SLC9C2: variants seen among roughly 807,000 people sequenced by gnomAD.
The protein encoded by SLC9C2 is sodium/hydrogen exchanger 11.
A neutral mutation model predicts 140.2 loss-of-function variants in SLC9C2; 75 were observed. That is an observed-to-expected ratio of 0.53 (90% confidence interval 0.44 to 0.65). The LOEUF is 0.65. Among genes scored for constraint, SLC9C2 ranks in the 30% least tolerant of loss-of-function variants. The pLI is 0.00. For missense variants in SLC9C2, 1,074 were observed against 1,331.8 expected (o/e 0.81, Z 3.01); for synonymous variants, 375 against 420.9 (o/e 0.89, Z 1.34).
intron 8 of SLC9C2, among the ~76,000 whole-genome samples, chr1:173,574,430 G>A (rs1001869542): frequency 1.3e-5 from 2 of 151,884 alleles, no homozygotes; most frequent in Non-Finnish European, 2.9e-5. Context: ...AAGAGTTTGA[G>A]TGAGGGGACC....
intron 18 of SLC9C2, 120 bp downstream of exon 18, chr1:173,529,785 T>C: frequency 1.8e-6 from 2 of 1,106,410 alleles, no homozygotes; most frequent in African/African-American, 3.1e-5. Flanking sequence ...AATAAACAAC[T>C]GAATCCCTTT....
chr1:173,582,375 G>C (rs976445964), intron 6 of SLC9C2, among the ~76,000 whole-genome samples: 2 of 152,140 alleles, frequency 1.3e-5, no homozygotes, highest in African/African-American at 4.8e-5. Flanking sequence ...AAGCTAACTA[G>C]GCCCAGGGTC....
intron 2 of SLC9C2, among the ~76,000 whole-genome samples, chr1:173,600,621 A>G (rs575759373): frequency 6.6e-6 from 1 of 152,210 alleles, no homozygotes; most frequent in East Asian, 1.9e-4. Flanking sequence ...TAAATTTATG[A>G]TGGGTTTATT....
chr1:173,517,848 G>GAA lies in SLC9C2; in HGVS notation c.2740-146_2740-145dup. 4.6e-6 allele frequency: 3 copies of GAA among 651,720 alleles called. No individual in the cohort carries two copies. The East Asian group carries it at 1.0e-4, about 22-fold the overall frequency. The allele number at this position is 651,720 out of a possible 1,614,324, so 40.4% of individuals were successfully genotyped here. The stretch of plus-strand genomic sequence containing the variant: ...GGTGTGAAAGAAGAATTAGGCTTAA[G>GAA]AAAAAAAAATCATGATTTCTTTAAC... On this transcript the variant is annotated intron_variant, in intron 22 of 27. Transcript: ENST00000367714.
intron 13 of SLC9C2, among the ~76,000 whole-genome samples, chr1:173,544,603 A>T (rs1057153040): frequency 6.6e-6 from 1 of 152,226 alleles, no homozygotes; most frequent in Non-Finnish European, 1.5e-5. Context: ...ACTTGGAACC[A>T]ACCCATATGT....
chr1:173,570,216 T>A (rs1374143322), intron 9 of SLC9C2, among the ~76,000 whole-genome samples: 3 of 152,060 alleles, frequency 2.0e-5, no homozygotes, highest in Non-Finnish European at 4.4e-5. Flanking sequence ...ATACCACCTG[T>A]GTATTGCTGT....
intron 17 of SLC9C2, among the ~76,000 whole-genome samples, chr1:173,531,117 C>T (rs538144455): frequency 1.3e-5 from 2 of 152,266 alleles, no homozygotes; most frequent in Non-Finnish European, 2.9e-5. Flanking sequence ...AGCCACCTAA[C>T]TTTACATAGT....
chr1:173,564,758 C>T (rs1388767661), intron 9 of SLC9C2, among the ~76,000 whole-genome samples: 1 of 149,410 alleles, frequency 6.7e-6, no homozygotes, highest in Non-Finnish European at 1.5e-5. Flanking sequence ...CTGCCTCAGC[C>T]TCCCGAATAG....
chr1:173,574,106 A>T lies in SLC9C2; in HGVS notation c.903-781T>A, dbSNP rs1665006526. On this transcript the variant is annotated intron_variant, in intron 8 of 27. Transcript: ENST00000367714. The stretch of plus-strand genomic sequence containing the variant: ...TACATGTTCTGTTCTGTATGGTTCC[A>T]TGTGGTAGCACGCCTGGGTCAGACC... Among the ~76,000 whole-genome samples the T allele has an allele frequency of 2.7e-5, 4 of 149,742 alleles. No homozygotes were observed. The Admixed American group carries it at 2.7e-4, about 10-fold the overall frequency.
chr1:173,578,568 A>G (rs1665324248), intron 7 of SLC9C2, among the ~76,000 whole-genome samples: 1 of 152,202 alleles, frequency 6.6e-6, no homozygotes, highest in Non-Finnish European at 1.5e-5. Context: ...TGGGACTGCC[A>G]TAATTGAATA....
At chr1:173,562,324 G>A (rs758094354) in intron 9 of SLC9C2, among the ~76,000 whole-genome samples, 12 of 152,076 alleles carry the variant, frequency 7.9e-5, no homozygotes, top group Non-Finnish European at 1.5e-4. Flanking sequence ...CTTTTAATGC[G>A]TTTCATAATG....
At chr1:173,509,812 A>G (rs1234504781) in intron 23 of SLC9C2, 113 bp from the exon 24 acceptor site, 1 of 1,026,520 alleles carries the variant, frequency 9.7e-7, no homozygotes, top group Non-Finnish European at 1.4e-6. Flanking sequence ...CAATTCTAGC[A>G]TAATTATGAT....
intron 9 of SLC9C2, among the ~76,000 whole-genome samples, chr1:173,571,975 A>AG (rs369851184): frequency 1.3e-5 from 2 of 152,214 alleles, no homozygotes; most frequent in Non-Finnish European, 2.9e-5. Flanking sequence ...ACTATGTGCC[A>AG]GGCATGGTGC....
chr1:173,576,110 C>T (rs989874047), intron 8 of SLC9C2, among the ~76,000 whole-genome samples: 5 of 152,266 alleles, frequency 3.3e-5, no homozygotes, highest in Admixed American at 6.5e-5. Flanking sequence ...CTACATTAGA[C>T]GATGATTTGG....
intron 13 of SLC9C2, 134 bp downstream of exon 13, chr1:173,547,555 A>G: frequency 1.6e-6 from 1 of 619,916 alleles, no homozygotes; most frequent in Non-Finnish European, 2.6e-6. Flanking sequence ...TTTAACTTTA[A>G]CAAATCACAC....
chr1:173,527,815 G>C (rs1053886694), intron 18 of SLC9C2, among the ~76,000 whole-genome samples: 1 of 152,060 alleles, frequency 6.6e-6, no homozygotes, highest in African/African-American at 2.4e-5. Flanking sequence ...AGTTTTTGTG[G>C]GGTTTTTTTG....
At chr1:173,517,476 G>T (rs1660501157) in intron 23 of SLC9C2, 61 bp downstream of exon 23, 1 of 1,447,920 alleles carries the variant, frequency 6.9e-7, no homozygotes, top group East Asian at 2.5e-5. Context: ...AAGAAAAGAT[G>T]CTGGTATTTT....
intron 3 of SLC9C2, 49 bp from the exon 4 acceptor site, chr1:173,598,081 T>A: frequency 6.5e-7 from 1 of 1,534,584 alleles, no homozygotes; most frequent in South Asian, 1.2e-5. Flanking sequence ...CATTTCCAAG[T>A]ATTAGAAACT....
intron 13 of SLC9C2, among the ~76,000 whole-genome samples, chr1:173,546,915 T>C (rs149953172): frequency 4.1e-4 from 62 of 152,262 alleles, no homozygotes; most frequent in African/African-American, 1.3e-3. Context: ...GTATGATTTG[T>C]TTCAGACTAA....
Sources: allele counts gnomAD v4.1 joint callset (sites outside exome capture counted in the v4.1 genomes callset), GRCh38; gene constraint gnomAD v4.1.1; transcripts MANE v1.5; gene names NCBI Gene and HGNC (gene_info 2026-07-23, HGNC 2026-07-21).